TAF1B: variants seen among roughly 807,000 people sequenced by gnomAD.
TAF1B encodes the protein TATA box-binding protein-associated factor RNA polymerase I subunit B.
A neutral mutation model predicts 83.9 loss-of-function variants in TAF1B; 61 were observed. The observed-to-expected ratio is 0.73, with a 90% confidence interval of 0.59 to 0.90. The LOEUF (loss-of-function observed/expected upper bound fraction) is 0.90, where lower values mean the gene tolerates loss of function less well. Among genes scored for constraint, TAF1B ranks in the 40% least tolerant of loss-of-function variants. The probability of loss-of-function intolerance (pLI) is 0.00; values close to 1 mark genes in which losing one functional copy is unlikely to be tolerated. For missense variants in TAF1B, 625 were observed against 677.0 expected (o/e 0.92, Z 0.85); for synonymous variants, 221 against 224.6 (o/e 0.98, Z 0.14).
chr2:9,843,446 C>G (rs543802289), upstream of TAF1B: 800 of 1,371,870 alleles, frequency 5.8e-4, 8 homozygotes, highest in African/African-American at 0.016. Context: ...GCGCGGATCT[C>G]GCGTTTCCGG....
Position 9,904,841 on chromosome 2 carries a change from GTC to G in TAF1B, c.808-12_808-11del, listed in dbSNP as rs757838340. 5 of 1,602,376 alleles carry G rather than the reference GTC, an allele frequency of 3.1e-6. No individual in the cohort carries two copies. Among genetic ancestry groups the G allele is most frequent in the Non-Finnish European group, 4.3e-6 (5 of 1,173,508 alleles). On this transcript the variant is annotated splice_polypyrimidine_tract_variant and intron_variant, in intron 8 of 14. Transcript: ENST00000263663. ...TGTTGCAAAAATTGCAACTATGATG[GTC>G]TCTCTTTTATTTCAGTCTTGGCCTG...
intron 7 of TAF1B, among the ~76,000 whole-genome samples, chr2:9,880,426 CTTTTTTTTTTTTTT>C (rs6146620): frequency 2.7e-5 from 2 of 75,004 alleles, no homozygotes; most frequent in Non-Finnish European, 2.5e-5. Context: ...GAGTAAGCAG[CTTTTTTTTTTTTTT>C]TTTTTTTTTT....
chr2:9,927,975 T>C (rs1666095290), intron 14 of TAF1B, among the ~76,000 whole-genome samples: 1 of 152,174 alleles, frequency 6.6e-6, no homozygotes, highest in Admixed American at 6.5e-5. Context: ...TAGGTTTTCT[T>C]CTAGGGTTTT....
Position 9,882,780 on chromosome 2 carries a change from G to A in TAF1B, c.782G>A (p.Arg261His), listed in dbSNP as rs972127267. 3.1e-6 allele frequency: 5 copies of A among 1,610,608 alleles called. No individual in the cohort carries two copies. Among genetic ancestry groups the A allele is most frequent in the South Asian group, 1.1e-5 (1 of 90,418 alleles). The change falls in exon 8 of 15, where the codon CGT (arginine) becomes CAT (histidine). Residue 261 changes from arginine (R) to histidine (H), a missense_variant. Transcript: ENST00000263663. ...HFPEQMKLYG[R>H]DRGIFGIESW... ...CCAGAACAGATGAAATTATATGGAC[G>A]TGACAGAGGAATCTTTGGTATAGAG...
chr2:9,910,923 C>G lies in TAF1B; in HGVS notation c.1133+10C>G. On this transcript the variant is annotated intron_variant, in intron 10 of 14. Transcript: ENST00000263663. ...ATGACAGTTTCGAGTGGTAAGTGTA[C>G]GTCAATTTTATGACAAGTAACATTT... 6.2e-7 allele frequency: 1 copy of G among 1,600,574 alleles called. No homozygotes were observed. The highest frequency in any genetic ancestry group is 8.5e-7 in the Non-Finnish European group (1 of 1,173,176).
rs184660931 is a variant in TAF1B at position 9,926,708 on chromosome 2, G to A, written c.1565+6888G>A. On this transcript the variant is annotated intron_variant, in intron 14 of 14. Transcript: ENST00000263663. Reference sequence around the variant, plus strand: ...ACAAAAATTAGCCGGGCATGGTGGTGCATGCCTGTAGTCCCAGCTACTTGG... The same window carrying A: ...ACAAAAATTAGCCGGGCATGGTGGTACATGCCTGTAGTCCCAGCTACTTGG... Among the ~76,000 whole-genome samples, 37 of 151,272 alleles carry A rather than the reference G, an allele frequency of 2.4e-4. 1 individual carries two copies. The East Asian group carries it at 7.2e-3, about 30-fold the overall frequency.
intron 8 of TAF1B, among the ~76,000 whole-genome samples, chr2:9,883,620 C>T (rs968900914): frequency 1.3e-5 from 2 of 152,162 alleles, no homozygotes; most frequent in Admixed American, 6.5e-5. Flanking sequence ...GAAGTTTCAG[C>T]ATTTCATGTT....
At chr2:9,863,084 TCA>T (rs1367489755) in intron 5 of TAF1B, among the ~76,000 whole-genome samples, 1 of 152,146 alleles carries the variant, frequency 6.6e-6, no homozygotes, top group Non-Finnish European at 1.5e-5. Flanking sequence ...AGGATCAGAT[TCA>T]CACATAACAA....
chr2:9,934,137 ATGTATAT>A lies in TAF1B; in HGVS notation c.*158_*164del, dbSNP rs1666304243. 1.6e-6 allele frequency: 1 copy of A among 629,592 alleles called. No individual in the cohort carries two copies. Among genetic ancestry groups the A allele is most frequent in the Non-Finnish European group, 2.7e-6 (1 of 376,792 alleles). 39.0% of individuals were successfully genotyped at this position (629,592 alleles called of 1,614,324 possible). On this transcript the variant is annotated 3_prime_UTR_variant, in exon 15 of 15. Coordinates refer to ENST00000263663, the MANE Select transcript of TAF1B (RefSeq NM_005680.3). ...ATATATATCAAGTGTGCTTAGAAAA[ATGTATAT>A]TGTAAAGCAGGTGAGCTTCATTTGA...
chr2:9,882,892 T>C, intron 8 of TAF1B, 87 bp downstream of exon 8: 1 of 953,062 alleles, frequency 1.0e-6, no homozygotes, highest in Non-Finnish European at 1.6e-6. Context: ...ACTTATTATT[T>C]GGTGTTTTGT....
chr2:9,866,671 G>A (rs1420046994), intron 5 of TAF1B, among the ~76,000 whole-genome samples: 1 of 152,162 alleles, frequency 6.6e-6, no homozygotes, highest in Non-Finnish European at 1.5e-5. Flanking sequence ...CAATAGCAAA[G>A]ACTTGGAACC....
rs1415289944 is a variant in TAF1B, at chr2:9,934,404, G to C, written c.*420G>C. ...AGTAGAAAACAAATATGAATGCTTT[G>C]ATGATCTTGGAATGGCAAAGTCAAT... On this transcript the variant is annotated 3_prime_UTR_variant, in exon 15 of 15. Transcript: ENST00000263663. 1 of 155,224 alleles carries C rather than the reference G, an allele frequency of 6.4e-6. No individual in the cohort carries two copies. The highest frequency in any genetic ancestry group is 1.4e-5 in the Non-Finnish European group (1 of 70,070). 9.6% of individuals were successfully genotyped at this position (155,224 alleles called of 1,614,324 possible).
intron 5 of TAF1B, 139 bp downstream of exon 5, chr2:9,854,560 G>T (rs1230221013): frequency 3.3e-6 from 2 of 612,414 alleles, no homozygotes; most frequent in African/African-American, 1.8e-5. Flanking sequence ...TTCTGTTACA[G>T]TCTAGAGGAC....
rs540646434 is a variant in TAF1B, at chr2:9,859,076, C to G, written c.399+4655C>G. ...GTCCTGCTGGAAATATTCCAAACTT[C>G]TATGCTCTGCTTCCCTTTTAAATAA... On this transcript the variant is annotated intron_variant, in intron 5 of 14. Transcript: ENST00000263663. Among the ~76,000 whole-genome samples, 5 of 152,338 alleles carry G rather than the reference C, an allele frequency of 3.3e-5. No individual in the cohort carries two copies. The South Asian group carries it at 8.3e-4, about 25-fold the overall frequency.
chr2:9,891,663 C>T (rs1208590217), intron 8 of TAF1B, among the ~76,000 whole-genome samples: 12 of 151,980 alleles, frequency 7.9e-5, no homozygotes, highest in Admixed American at 6.6e-4. Flanking sequence ...GATGACAGCT[C>T]CATGCATGTT....
intron 4 of TAF1B, among the ~76,000 whole-genome samples, chr2:9,853,515 T>G (rs1663465683): frequency 6.6e-6 from 1 of 152,054 alleles, no homozygotes; most frequent in Non-Finnish European, 1.5e-5. Flanking sequence ...TCACCCAGAC[T>G]GGAGTGCAGT....
At chr2:9,902,687 TA>T (rs1461557102) in intron 8 of TAF1B, among the ~76,000 whole-genome samples, 22 of 152,228 alleles carry the variant, frequency 1.4e-4, no homozygotes, top group Non-Finnish European at 2.4e-4. Context: ...TTTTCACAAA[TA>T]GTGTTGTTAT....
chr2:9,860,859 G>T (rs979566276), intron 5 of TAF1B, among the ~76,000 whole-genome samples: 2 of 152,118 alleles, frequency 1.3e-5, no homozygotes, highest in African/African-American at 2.4e-5. Context: ...GAGAGAAATT[G>T]GAGACAACAA....
chr2:9,845,718 T>TA (rs1395665217), intron 2 of TAF1B: 2 of 262,084 alleles, frequency 7.6e-6, no homozygotes, highest in African/African-American at 4.5e-5. Context: ...CGCAGTGGCT[T>TA]ACGCCTGTAA....
Sources: allele counts gnomAD v4.1 joint callset (sites outside exome capture counted in the v4.1 genomes callset), GRCh38; gene constraint gnomAD v4.1.1; transcripts MANE v1.5; gene names NCBI Gene and HGNC (gene_info 2026-07-23, HGNC 2026-07-21).